Variants in PDZRN3 observed in about 807,000 individuals in gnomAD.
PDZRN3 encodes the protein PDZ domain containing ring finger 3, also known as E3 ubiquitin-protein ligase PDZRN3.
In PDZRN3, 38 loss-of-function variants were observed where a neutral mutation model predicts 85.7. The ratio of observed to expected loss-of-function variants is 0.44; its 90% confidence interval spans 0.34 to 0.58. The LOEUF is 0.58. Ranked by LOEUF, PDZRN3 falls within the 20% of genes least tolerant of loss-of-function variation. The pLI, the probability that PDZRN3 is intolerant of heterozygous loss-of-function variation, is 0.01. For synonymous variants in PDZRN3, 759 were observed against 638.0 expected (o/e 1.19, Z -2.86); for missense variants, 1,629 against 1,506.4 (o/e 1.08, Z -1.35).
intron 1 of PDZRN3, among the ~76,000 whole-genome samples, chr3:73,616,144 C>T (rs1198722525): frequency 1.3e-5 from 2 of 152,220 alleles, no homozygotes; most frequent in Non-Finnish European, 2.9e-5. Context: ...TCTGCACATG[C>T]AGGCTAGTCT....
chr3:73,544,433 CCAGTTTTATGGAGGTATAATTGA>C (rs1435099418), intron 3 of PDZRN3, among the ~76,000 whole-genome samples: 1 of 151,936 alleles, frequency 6.6e-6, no homozygotes, highest in Non-Finnish European at 1.5e-5. Context: ...GCTTTTCCCC[CCAGTTTTATGGAGGTATAATTGA>C]CAAATAAAAA....
chr3:73,569,645 C>G (rs1468186387), intron 3 of PDZRN3: 4 of 866,842 alleles, frequency 4.6e-6, no homozygotes, highest in Non-Finnish European at 5.5e-6. Context: ...CCAGGCAGGA[C>G]CTGAGGTTAC....
intron 3 of PDZRN3, among the ~76,000 whole-genome samples, chr3:73,565,172 A>G (rs1701918722): frequency 7.0e-6 from 1 of 142,782 alleles, no homozygotes; most frequent in African/African-American, 2.7e-5. Flanking sequence ...TCTGTTGCCC[A>G]GGCTGGAGCG....
chr3:73,497,584 T>G (rs767010526), intron 3 of PDZRN3, among the ~76,000 whole-genome samples: 1 of 152,236 alleles, frequency 6.6e-6, no homozygotes, highest in Non-Finnish European at 1.5e-5. Flanking sequence ...TTTTTTTTAT[T>G]CTGGAAAATT....
chr3:73,578,035 G>A (rs993456144), intron 3 of PDZRN3, among the ~76,000 whole-genome samples: 43 of 152,268 alleles, frequency 2.8e-4, no homozygotes, highest in Admixed American at 7.2e-4. Flanking sequence ...GAAGTTTGCC[G>A]ATCTCTGTCC....
At chr3:73,408,061 A>G in intron 3 of PDZRN3, 1 of 671,354 alleles carries the variant, frequency 1.5e-6, no homozygotes, top group Non-Finnish European at 2.7e-6. Context: ...AACTGTGCCC[A>G]AGAAAACAAT....
intron 3 of PDZRN3, among the ~76,000 whole-genome samples, chr3:73,600,216 G>A (rs541357718): frequency 6.0e-4 from 91 of 151,494 alleles, no homozygotes; most frequent in Non-Finnish European, 1.2e-3. Flanking sequence ...AGGGTCTTAC[G>A]GTGAAGATCT....
chr3:73,396,542 T>C (rs1701641130), intron 5 of PDZRN3, among the ~76,000 whole-genome samples: 1 of 152,228 alleles, frequency 6.6e-6, no homozygotes, highest in Non-Finnish European at 1.5e-5. Context: ...GCATCCTGCA[T>C]AATCTCCAGG....
At chr3:73,423,612 C>T (rs560292690) in intron 3 of PDZRN3, among the ~76,000 whole-genome samples, 10 of 152,352 alleles carry the variant, frequency 6.6e-5, no homozygotes, top group African/African-American at 2.2e-4. Flanking sequence ...TGTAGTCTTA[C>T]AGATGTGTCT....
intron 4 of PDZRN3, among the ~76,000 whole-genome samples, chr3:73,403,862 G>A (rs889243345): frequency 6.6e-6 from 1 of 152,080 alleles, no homozygotes; most frequent in African/African-American, 2.4e-5. Flanking sequence ...TACCATTTGG[G>A]GTGATTACAT....
At chr3:73,432,987 G>A (rs1702462546) in intron 3 of PDZRN3, among the ~76,000 whole-genome samples, 1 of 152,226 alleles carries the variant, frequency 6.6e-6, no homozygotes, top group East Asian at 1.9e-4. Flanking sequence ...GGGTTGTATC[G>A]TAAATATCCC....
intron 3 of PDZRN3, among the ~76,000 whole-genome samples, chr3:73,405,353 G>A (rs73838525): frequency 0.057 from 8,663 of 152,242 alleles, 335 homozygotes; most frequent in African/African-American, 0.11. Context: ...TGGAAGTCCA[G>A]TGATTTAATT....
intron 3 of PDZRN3, among the ~76,000 whole-genome samples, chr3:73,583,486 C>A (rs994588612): frequency 6.6e-6 from 1 of 152,176 alleles, no homozygotes; most frequent in Non-Finnish European, 1.5e-5. Flanking sequence ...TATGCATGAA[C>A]TCCACTAGAT....
chr3:73,466,845 T>G (rs1703228287), intron 3 of PDZRN3, among the ~76,000 whole-genome samples: 1 of 152,222 alleles, frequency 6.6e-6, no homozygotes. Context: ...CATAAAACAC[T>G]AGGCAGAATG....
chr3:73,557,166 A>G (rs759347262), intron 3 of PDZRN3, among the ~76,000 whole-genome samples: 4 of 152,216 alleles, frequency 2.6e-5, no homozygotes, highest in Non-Finnish European at 5.9e-5. Context: ...GCAGCTGCAC[A>G]GGGAAAAATC....
At chr3:73,439,522 C>T (rs1035294065) in intron 3 of PDZRN3, among the ~76,000 whole-genome samples, 8 of 152,042 alleles carry the variant, frequency 5.3e-5, no homozygotes, top group Non-Finnish European at 1.0e-4. Flanking sequence ...TTGTCTGAAC[C>T]CTATTTAGTG....
Position 73,624,483 on chromosome 3 carries a change from C to G in PDZRN3, c.343G>C (p.Ala115Pro), listed in dbSNP as rs751382682. The G allele has an allele frequency of 3.9e-5, 55 of 1,404,572 alleles. No individual in the cohort carries two copies. Among genetic ancestry groups the G allele is most frequent in the Non-Finnish European group, 5.0e-5 (54 of 1,087,166 alleles). The allele number at this position is 1,404,572 out of a possible 1,614,324, so 87.0% of individuals were successfully genotyped here. A position where few individuals can be genotyped will look rare whatever the true frequency, so the allele number is the denominator to read the frequency against. ...CDFAPARCRHAGCGQVLLRRD... is the reference protein window; with the variant it reads ...CDFAPARCRHPGCGQVLLRRD... ...CGCAGCAGCACCTGGCCGCAACCCGCGTGGCGACAGCGCGCGGGCGCGAAG... is the reference window on the plus strand; with the variant it reads ...CGCAGCAGCACCTGGCCGCAACCCGGGTGGCGACAGCGCGCGGGCGCGAAG... Residue 115 changes from alanine to proline, a missense_variant, in exon 1 of 10, where the codon GCG (alanine) becomes CCG (proline). Transcript: ENST00000263666.
chr3:73,553,723 G>C (rs767585420), intron 3 of PDZRN3, among the ~76,000 whole-genome samples: 3 of 152,162 alleles, frequency 2.0e-5, no homozygotes, highest in Non-Finnish European at 2.9e-5. Context: ...TGTGACTTCA[G>C]AACACGCAGG....
At chr3:73,398,498 T>C (rs758571060) in intron 5 of PDZRN3, among the ~76,000 whole-genome samples, 1 of 152,160 alleles carries the variant, frequency 6.6e-6, no homozygotes, top group Non-Finnish European at 1.5e-5. Flanking sequence ...GTTTCTGTAG[T>C]TCCCACATCT....
Sources: allele counts gnomAD v4.1 joint callset (sites outside exome capture counted in the v4.1 genomes callset), GRCh38; gene constraint gnomAD v4.1.1; transcripts MANE v1.5; gene names NCBI Gene and HGNC (gene_info 2026-07-23, HGNC 2026-07-21).